The following TTC34 variants were observed in gnomAD, a reference collection of about 807,000 sequenced individuals.
TTC34 encodes the protein tetratricopeptide repeat protein 34.
Under a neutral mutation model 40.7 loss-of-function variants are expected in TTC34, and 44 were observed. That is an observed-to-expected ratio of 1.08 (90% CI 0.85 to 1.39). The LOEUF is 1.39. TTC34 is among the 40% of genes most tolerant of loss of function. The pLI is 0.00. For synonymous variants in TTC34, 422 were observed against 398.6 expected (o/e 1.06, Z -0.70); for missense variants, 884 against 838.0 (o/e 1.05, Z -0.68).
At chr1:2,687,987 G>A (rs1298170869) in intron 6 of TTC34, among the ~76,000 whole-genome samples, 1 of 89,588 alleles carries the variant, frequency 1.1e-5, no homozygotes, top group East Asian at 3.8e-4. Flanking sequence ...GCATCTGACA[G>A]CCTGGAACAG....
exon 9 of TTC34, chr1:2,639,499 C>G (rs566175864): frequency 6.6e-6 from 1 of 152,604 alleles, no homozygotes; most frequent in East Asian, 1.9e-4. Context: ...TGGACCAGCC[C>G]TTGCCTCCTC....
At chr1:2,790,384 G>T in intron 2 of TTC34, 38 bp from the exon 3 acceptor site, 1 of 398,474 alleles carries the variant, frequency 2.5e-6, no homozygotes, top group Non-Finnish European at 4.4e-6. Flanking sequence ...CTGCCTGGGG[G>T]GCCGACTCCC....
chr1:2,773,529 C>T (rs1202034319), intron 6 of TTC34: 64 of 87,396 alleles, frequency 7.3e-4, no homozygotes, highest in African/African-American at 2.5e-3. Context: ...CGTGGAGCAG[C>T]GCCCACACCC....
At chr1:2,793,069 C>A (rs924197292) in intron 2 of TTC34, among the ~76,000 whole-genome samples, 2 of 152,212 alleles carry the variant, frequency 1.3e-5, no homozygotes, top group Non-Finnish European at 2.9e-5. Context: ...CAACTTGAAG[C>A]CAGATCTTCT....
Position 2,691,763 on chromosome 1 carries a change from C to T in TTC34, c.2227-46200G>A, listed in dbSNP as rs532820997. Among the ~76,000 whole-genome samples the T allele has an allele frequency of 4.3e-3, 313 of 72,104 alleles. 23 individuals are homozygous for T. Among genetic ancestry groups the T allele is most frequent in the African/African-American group, 0.012 (259 of 21,448 alleles). 47.3% of individuals were successfully genotyped at this position (72,104 alleles called of 152,430 possible). A position where few individuals can be genotyped will look rare whatever the true frequency, so the allele number is the denominator to read the frequency against. The stretch of plus-strand genomic sequence containing the variant: ...CCACATTCCCAGGCAAGCATCTGAA[C>T]GCAAATAGCAGCACCCACACCCCCA... On this transcript the variant is annotated intron_variant, in intron 6 of 8. Coordinates refer to ENST00000401095, the Ensembl canonical transcript of TTC34.
chr1:2,698,622 C>T (rs1202172150), intron 6 of TTC34, among the ~76,000 whole-genome samples: 1 of 46,138 alleles, frequency 2.2e-5, no homozygotes, highest in Non-Finnish European at 4.2e-5. Flanking sequence ...AGACGAGCAT[C>T]GGACAGCCTG....
At chr1:2,686,137 G>C (rs1640333172) in intron 6 of TTC34, among the ~76,000 whole-genome samples, 1 of 131,338 alleles carries the variant, frequency 7.6e-6, no homozygotes, top group Non-Finnish European at 1.6e-5. Context: ...GTGAGCATCT[G>C]ATGGTCTGGA....
At position 2,641,210 on chromosome 1, in the gene TTC34, T is replaced by A. The variant is rs1315466621; in HGVS notation, c.*158A>T. The A allele has an allele frequency of 9.2e-6, 4 of 436,200 alleles. No homozygotes were observed. The East Asian group carries it at 1.9e-4, about 21-fold the overall frequency. The allele number at this position is 436,200 out of a possible 1,614,324, so 27.0% of individuals were successfully genotyped here. A position where few individuals can be genotyped will look rare whatever the true frequency, so the allele number is the denominator to read the frequency against. ...TTGGGAAGGGGGGTTGTGGGGAGGGTTGGGAAGGGGTGTGTGGGGAGGGCT... is the reference window on the plus strand; with the variant it reads ...TTGGGAAGGGGGGTTGTGGGGAGGGATGGGAAGGGGTGTGTGGGGAGGGCT... On this transcript the variant is annotated 3_prime_UTR_variant, in exon 9 of 9. Coordinates refer to ENST00000401095, the Ensembl canonical transcript of TTC34.
At chr1:2,691,784 C>A (rs1250908906) in intron 6 of TTC34, among the ~76,000 whole-genome samples, 3 of 96,476 alleles carry the variant, frequency 3.1e-5, no homozygotes, top group Non-Finnish European at 7.1e-5. Context: ...GCACCCACAC[C>A]CCCAGGCGAG....
chr1:2,775,744 C>T (rs925439142), intron 6 of TTC34: 5 of 146,500 alleles, frequency 3.4e-5, no homozygotes, highest in African/African-American at 1.4e-4. Flanking sequence ...TAGAGCGGCA[C>T]CTGCACACTT....
chr1:2,754,854 CACAT>C (rs1641453016), intron 6 of TTC34, among the ~76,000 whole-genome samples: 1 of 108,362 alleles, frequency 9.2e-6, no homozygotes, highest in Non-Finnish European at 1.8e-5. Context: ...GAACAGCACC[CACAT>C]GCCCAGCTGA....
exon 5 of TTC34, chr1:2,785,921 C>T (rs747589992): frequency 2.7e-5 from 42 of 1,533,356 alleles, no homozygotes; most frequent in East Asian, 7.5e-5. Context: ...AGGGCCCTGG[C>T]GTGGCAGTGG....
intron 6 of TTC34, chr1:2,776,043 C>T (rs1180918282): frequency 7.5e-6 from 1 of 134,106 alleles, no homozygotes; most frequent in Non-Finnish European, 1.5e-5. Flanking sequence ...CACCCTCCAC[C>T]CCCAGGTGAG....
chr1:2,783,898 C>G (rs974211550), intron 5 of TTC34, 123 bp from the exon 6 acceptor site: 4 of 913,526 alleles, frequency 4.4e-6, no homozygotes, highest in South Asian at 3.1e-5. Context: ...GGGGAGCTCA[C>G]AGGCCACTGG....
At chr1:2,793,886 T>A (rs1233960742) in intron 2 of TTC34, among the ~76,000 whole-genome samples, 1 of 152,192 alleles carries the variant, frequency 6.6e-6, no homozygotes, top group East Asian at 1.9e-4. Flanking sequence ...CTCCATCTTC[T>A]GCTTCTCCTT....
intron 3 of TTC34, 26 bp downstream of exon 3, chr1:2,789,477 C>T (rs1034161137): frequency 1.2e-4 from 186 of 1,503,422 alleles, no homozygotes; most frequent in Non-Finnish European, 1.6e-4. Context: ...AAGCAGCGGC[C>T]CCAGCGTGCC....
intron 6 of TTC34, among the ~76,000 whole-genome samples, chr1:2,778,624 G>T (rs1643402138): frequency 6.6e-6 from 1 of 152,202 alleles, no homozygotes; most frequent in Admixed American, 6.5e-5. Context: ...GAGCTCTGTG[G>T]GGGGAGACAG....
At chr1:2,777,380 A>T (rs115565117) in intron 6 of TTC34, among the ~76,000 whole-genome samples, 3,799 of 150,628 alleles carry the variant, frequency 0.025, 169 homozygotes, top group African/African-American at 0.089. Flanking sequence ...CCACACCTCC[A>T]GGGGAGCATC....
At chr1:2,699,639 GTGAAGCGCCCA>G (rs1641038227) in intron 6 of TTC34, among the ~76,000 whole-genome samples, 1 of 83,614 alleles carries the variant, frequency 1.2e-5, no homozygotes. Context: ...TGACAGCCTG[GTGAAGCGCCCA>G]AACCCCAAGG....
Sources: allele counts gnomAD v4.1 joint callset (sites outside exome capture counted in the v4.1 genomes callset), GRCh38; gene constraint gnomAD v4.1.1; transcripts MANE v1.5; gene names NCBI Gene and HGNC (gene_info 2026-07-23, HGNC 2026-07-21).